Variants in XPO6 observed in about 807,000 individuals in gnomAD.
XPO6 encodes the protein exportin 6.
A neutral mutation model predicts 130.0 loss-of-function variants in XPO6; 3 were observed. The observed-to-expected ratio is 0.02, with a 90% CI of 0.01 to 0.06. XPO6 has a LOEUF of 0.06. Ranked by LOEUF, XPO6 falls within the 10% of genes least tolerant of loss-of-function variation. The pLI, the probability that XPO6 is intolerant of heterozygous loss-of-function variation, is 1.00. For synonymous variants in XPO6, 524 were observed against 548.9 expected, an observed-to-expected ratio of 0.95 and a Z score of 0.63; for missense variants, 970 against 1,393.0, an observed-to-expected ratio of 0.70 and a Z score of 4.83.
At chr16:28,204,801 G>A (rs2044003140) in intron 1 of XPO6, among the ~76,000 whole-genome samples, 1 of 152,218 alleles carries the variant, frequency 6.6e-6, no homozygotes, top group South Asian at 2.1e-4. Context: ...TACTCCACTT[G>A]TCTGACACTA....
intron 12 of XPO6, among the ~76,000 whole-genome samples, chr16:28,130,915 G>T (rs1388258215): frequency 6.6e-6 from 1 of 152,134 alleles, no homozygotes; most frequent in African/African-American, 2.4e-5. Context: ...GGTCAGTGTG[G>T]GGGAGGAAAG....
At chr16:28,153,823 T>C (rs1413412299) in intron 7 of XPO6, 3 of 985,204 alleles carry the variant, frequency 3.0e-6, no homozygotes, top group Non-Finnish European at 3.6e-6. Context: ...AACAGAGATA[T>C]GTGAAATAAT....
chr16:28,150,884 C>A (rs1300194696), intron 8 of XPO6, among the ~76,000 whole-genome samples: 1 of 152,136 alleles, frequency 6.6e-6, no homozygotes, highest in East Asian at 1.9e-4. Context: ...CACCCTCCTG[C>A]AGTCACTTCA....
chr16:28,160,321 T>C (rs1376288651), intron 6 of XPO6, among the ~76,000 whole-genome samples: 2 of 150,564 alleles, frequency 1.3e-5, no homozygotes, highest in African/African-American at 4.9e-5. Flanking sequence ...CCGGCCAAAA[T>C]GGTGAAACCC....
chr16:28,210,323 TC>T (rs1198389788), intron 1 of XPO6, among the ~76,000 whole-genome samples: 2 of 152,178 alleles, frequency 1.3e-5, no homozygotes, highest in Non-Finnish European at 2.9e-5. Context: ...TGCAGCTATG[TC>T]CCTTTCTCTA....
At position 28,106,627 on chromosome 16, in the gene XPO6, C is replaced by A; in HGVS notation, c.2498-130G>T. On this transcript the variant is annotated intron_variant, in intron 18 of 23. Coordinates refer to ENST00000304658, the MANE Select transcript of XPO6 (RefSeq NM_015171.4). This position sits in a 1 kb window ranked among gnomAD's most constrained non-coding sequence, Gnocchi z 4.2. ...ACAGCTTCCTGCTGGAAACATTTCC[C>A]CAACACCATCAGGGCCAATGATGGA... 1 of 700,162 alleles carries A rather than the reference C, an allele frequency of 1.4e-6. No homozygotes were observed. The highest frequency in any genetic ancestry group is 2.5e-6 in the Non-Finnish European group (1 of 407,994). The allele number at this position is 700,162 out of a possible 1,614,324, so 43.4% of individuals were successfully genotyped here.
intron 1 of XPO6, among the ~76,000 whole-genome samples, chr16:28,191,130 T>C (rs1000839093): frequency 6.6e-5 from 10 of 152,204 alleles, no homozygotes; most frequent in Non-Finnish European, 1.0e-4. Context: ...TAGGAAAGAA[T>C]TATTCTCTCA....
chr16:28,135,406 A>T, intron 9 of XPO6, 82 bp from the exon 10 acceptor site: 7 of 1,089,614 alleles, frequency 6.4e-6, no homozygotes, highest in East Asian at 2.4e-5. Flanking sequence ...TATAAAAGAA[A>T]TGGTGTCTAT....
chr16:28,168,432 A>T (rs28651291), intron 5 of XPO6, among the ~76,000 whole-genome samples: 1 of 151,972 alleles, frequency 6.6e-6, no homozygotes, highest in Non-Finnish European at 1.5e-5. Flanking sequence ...GCAGTAAGCT[A>T]TGTTCACATC....
intron 14 of XPO6, among the ~76,000 whole-genome samples, chr16:28,118,196 G>A (rs920864036): frequency 6.6e-6 from 1 of 152,178 alleles, no homozygotes; most frequent in Non-Finnish European, 1.5e-5. Context: ...GTTCCTCATG[G>A]TTTGGGCATT....
At chr16:28,125,572 G>C in intron 13 of XPO6, 117 bp downstream of exon 13, 1 of 1,326,456 alleles carries the variant, frequency 7.5e-7, no homozygotes, top group South Asian at 1.5e-5. Context: ...ATGTGGCAGA[G>C]CCTAGATTTA....
In XPO6 at chr16:28,106,540, T is replaced by C. The variant is rs2086786681; in HGVS notation, c.2498-43A>G. ...GATATCGTCAGAGGCTTGCACACAG[T>C]GAGAACCAGAACCCTGGGCTTCATC... On this transcript the variant is annotated intron_variant, in intron 18 of 23. Coordinates refer to ENST00000304658, the MANE Select transcript of XPO6 (RefSeq NM_015171.4). This position sits in a 1 kb window ranked among gnomAD's most constrained non-coding sequence, Gnocchi z 4.2. 6.6e-7 allele frequency: 1 copy of C among 1,525,836 alleles called. No homozygotes were observed. The highest frequency in any genetic ancestry group is 1.4e-5 in the African/African-American group (1 of 73,036). 94.5% of individuals were successfully genotyped at this position (1,525,836 alleles called of 1,614,324 possible).
At chr16:28,130,954 A>G (rs564377905) in intron 12 of XPO6, among the ~76,000 whole-genome samples, 1 of 152,252 alleles carries the variant, frequency 6.6e-6, no homozygotes, top group East Asian at 1.9e-4. Context: ...TTAATAGATC[A>G]AGAACAGTGT....
chr16:28,169,825 G>C lies in XPO6; in HGVS notation c.490C>G (p.Leu164Val). ...SEELACPREDLSVARKEELRK... is the reference protein window; with the variant it reads ...SEELACPREDVSVARKEELRK... ...AACTCCTCCTTCCGAGCCACACTGA[G>C]GTCCTCACGGGGACAAGCCAGCTCT... Residue 164 changes from leucine to valine, a missense_variant, in exon 5 of 24, where the codon CTC (leucine) becomes GTC (valine). Transcript: ENST00000304658. 1 of 1,614,156 alleles carries C rather than the reference G, an allele frequency of 6.2e-7. No homozygotes were observed. Among genetic ancestry groups the C allele is most frequent in the Non-Finnish European group, 8.5e-7 (1 of 1,180,024 alleles).
intron 1 of XPO6, among the ~76,000 whole-genome samples, chr16:28,203,510 T>G (rs914490128): frequency 2.0e-5 from 3 of 152,106 alleles, no homozygotes; most frequent in African/African-American, 7.2e-5. Flanking sequence ...ACTACCTTCA[T>G]GTCAACAGCG....
In XPO6 at chr16:28,209,548, G is replaced by A. The variant is rs941403057; in HGVS notation, c.3+1818C>T. Among the ~76,000 whole-genome samples the A allele has an allele frequency of 2.5e-4, 37 of 149,654 alleles. 1 individual carries two copies. The highest frequency in any genetic ancestry group is 1.8e-3 in the Admixed American group (27 of 14,876). The stretch of plus-strand genomic sequence containing the variant: ...CCAGCTACTCGGGAGGCTGAGGCAG[G>A]AGAATCACTTGAACCCGGGAGGCAG... On this transcript the variant is annotated intron_variant, in intron 1 of 23. Coordinates refer to ENST00000304658, the MANE Select transcript of XPO6 (RefSeq NM_015171.4).
intron 1 of XPO6, 174 bp from the exon 2 acceptor site, chr16:28,181,205 G>C: frequency 4.0e-6 from 2 of 498,992 alleles, no homozygotes; most frequent in Non-Finnish European, 7.0e-6. Flanking sequence ...TTTCCCAGCT[G>C]GCTCAAAACC....
intron 9 of XPO6, among the ~76,000 whole-genome samples, chr16:28,145,444 A>G (rs1207574270): frequency 6.6e-6 from 1 of 152,212 alleles, no homozygotes; most frequent in African/African-American, 2.4e-5. Context: ...TTTGAGAAAC[A>G]TATGGGGGGG....
In XPO6 at chr16:28,107,552, C is replaced by T; in HGVS notation, c.2467G>A (p.Ala823Thr). Residue 823 changes from alanine (A) to threonine (T), a missense_variant, in exon 18 of 24, where the codon GCC becomes ACC. Ala to Thr is a moderately conservative substitution (Grantham distance 58). Transcript: ENST00000304658. ...TGATGGATAAAAGCTGGAAAGAGGG[C>T]CAGGGAGACCTGAACAGATTCCTGC... ...SLQESVQVSL[A>T]LFPAFIHQSD... 6.2e-7 allele frequency: 1 copy of T among 1,614,164 alleles called. No individual in the cohort carries two copies. The highest frequency in any genetic ancestry group is 1.7e-5 in the Admixed American group (1 of 60,022).
Sources: allele counts gnomAD v4.1 joint callset (sites outside exome capture counted in the v4.1 genomes callset), GRCh38; gene constraint gnomAD v4.1.1; non-coding constraint Gnocchi (gnomAD v3.1); transcripts MANE v1.5; gene names NCBI Gene and HGNC (gene_info 2026-07-23, HGNC 2026-07-21).